Variants in ZHX2 observed in about 807,000 individuals in gnomAD.
ZHX2 encodes zinc fingers and homeoboxes protein 2.
ZHX2 carries 6 observed loss-of-function variants against 21.9 expected under a neutral mutation model. That is an observed-to-expected ratio of 0.27 (90% CI 0.15 to 0.54). The LOEUF (loss-of-function observed/expected upper bound fraction) is 0.54, where lower values mean the gene tolerates loss of function less well. ZHX2 is among the 20% of genes least tolerant of loss of function. The pLI is 0.95. For missense variants in ZHX2, 908 were observed against 1,090.7 expected (o/e 0.83, Z 2.36); for synonymous variants, 434 against 437.1 (o/e 0.99, Z 0.09).
At chr8:122,869,794 C>T (rs1341956797) in intron 2 of ZHX2, among the ~76,000 whole-genome samples, 1 of 152,216 alleles carries the variant, frequency 6.6e-6, no homozygotes, top group Non-Finnish European at 1.5e-5. Context: ...TTCTGTGATT[C>T]TGGATGAGTT....
At chr8:122,950,988 C>T (rs1406577389) in intron 2 of ZHX2, among the ~76,000 whole-genome samples, 1 of 152,138 alleles carries the variant, frequency 6.6e-6, no homozygotes, top group Non-Finnish European at 1.5e-5. Flanking sequence ...CTGCGACTCC[C>T]TCTCACCGCT....
At chr8:122,785,031 G>C (rs572417708) in intron 1 of ZHX2, among the ~76,000 whole-genome samples, 1 of 152,330 alleles carries the variant, frequency 6.6e-6, no homozygotes, top group African/African-American at 2.4e-5. Flanking sequence ...AGCCGACTGC[G>C]GGGAAGCACT....
chr8:122,943,064 C>T (rs1812885385), intron 2 of ZHX2, among the ~76,000 whole-genome samples: 1 of 152,058 alleles, frequency 6.6e-6, no homozygotes, highest in African/African-American at 2.4e-5. Flanking sequence ...GAGTTCGAGA[C>T]CAGCCTGGCC....
intron 2 of ZHX2, among the ~76,000 whole-genome samples, chr8:122,949,772 G>C (rs1164127371): frequency 6.6e-6 from 1 of 152,184 alleles, no homozygotes; most frequent in Non-Finnish European, 1.5e-5. Context: ...TCAGGAGGCT[G>C]AGGCAGGAGG....
At chr8:122,812,149 G>A (rs1025191835) in intron 1 of ZHX2, 8 of 152,270 alleles carry the variant, frequency 5.3e-5, no homozygotes, top group African/African-American at 7.2e-5. Context: ...TCCAGGCAGA[G>A]CGACAGCTGG....
chr8:122,939,708 T>G (rs954616734), intron 2 of ZHX2, among the ~76,000 whole-genome samples: 1 of 152,150 alleles, frequency 6.6e-6, no homozygotes, highest in Admixed American at 6.5e-5. Flanking sequence ...GAAATTCATA[T>G]TGGAACAGTT....
At chr8:122,798,642 G>C (rs976085472) in intron 1 of ZHX2, among the ~76,000 whole-genome samples, 1 of 152,026 alleles carries the variant, frequency 6.6e-6, no homozygotes, top group Non-Finnish European at 1.5e-5. Flanking sequence ...AATTAGCTGG[G>C]CGTGGTAGTA....
chr8:122,857,317 G>T (rs1270898040), intron 1 of ZHX2, among the ~76,000 whole-genome samples: 1 of 149,982 alleles, frequency 6.7e-6, no homozygotes, highest in Non-Finnish European at 1.5e-5. Context: ...ACATCAGTGA[G>T]CAAAATAGAT....
intron 2 of ZHX2, among the ~76,000 whole-genome samples, chr8:122,865,636 G>A (rs370118195): frequency 6.6e-6 from 1 of 152,194 alleles, no homozygotes; most frequent in South Asian, 2.1e-4. Context: ...CACTAGCTGT[G>A]GGGCCTCAAG....
At chr8:122,972,128 A>C (rs182092206) in intron 3 of ZHX2, among the ~76,000 whole-genome samples, 1 of 152,090 alleles carries the variant, frequency 6.6e-6, no homozygotes, top group African/African-American at 2.4e-5. Flanking sequence ...CCCTCTATGC[A>C]CATCTGTCTC....
At chr8:122,894,956 A>G (rs1299452766) in intron 2 of ZHX2, among the ~76,000 whole-genome samples, 1 of 152,144 alleles carries the variant, frequency 6.6e-6, no homozygotes, top group Non-Finnish European at 1.5e-5. Flanking sequence ...GAAATGTTTG[A>G]ATCACAGTAC....
At chr8:122,817,882 C>G (rs937707321) in intron 1 of ZHX2, among the ~76,000 whole-genome samples, 1 of 152,230 alleles carries the variant, frequency 6.6e-6, no homozygotes, top group Non-Finnish European at 1.5e-5. Context: ...CCCCACTCCT[C>G]TAGGATCAGG....
intron 2 of ZHX2, among the ~76,000 whole-genome samples, chr8:122,913,218 T>C (rs1370201943): frequency 1.3e-5 from 2 of 152,274 alleles, no homozygotes; most frequent in Non-Finnish European, 1.5e-5. Flanking sequence ...TCATTCTTTT[T>C]TGATGCCAAA....
chr8:122,931,196 TTG>T (rs1820983087), intron 2 of ZHX2, among the ~76,000 whole-genome samples: 1 of 152,196 alleles, frequency 6.6e-6, no homozygotes. Flanking sequence ...AGCTGTTTTG[TTG>T]TGTTAGGACA....
chr8:122,934,385 C>T (rs1338181116), intron 2 of ZHX2, among the ~76,000 whole-genome samples: 3 of 152,238 alleles, frequency 2.0e-5, no homozygotes, highest in Non-Finnish European at 1.5e-5. Flanking sequence ...AGACACTTCA[C>T]TCACCTGCCC....
intron 2 of ZHX2, among the ~76,000 whole-genome samples, chr8:122,872,992 C>G (rs1276785406): frequency 6.6e-6 from 1 of 152,216 alleles, no homozygotes; most frequent in Non-Finnish European, 1.5e-5. Flanking sequence ...ACTCAGGTCA[C>G]CTGTCTATCC....
At chr8:122,835,926 C>T (rs915869763) in intron 1 of ZHX2, among the ~76,000 whole-genome samples, 1 of 152,128 alleles carries the variant, frequency 6.6e-6, no homozygotes, top group South Asian at 2.1e-4. Flanking sequence ...GAAAAAGACA[C>T]AGCACTTAGG....
At chr8:122,792,732 T>C (rs1024569088) in intron 1 of ZHX2, among the ~76,000 whole-genome samples, 3 of 152,104 alleles carry the variant, frequency 2.0e-5, no homozygotes, top group African/African-American at 7.2e-5. Flanking sequence ...CACACACACA[T>C]GCCTGGTCAT....
chr8:122,867,573 T>C (rs1055702046), intron 2 of ZHX2, among the ~76,000 whole-genome samples: 1 of 152,236 alleles, frequency 6.6e-6, no homozygotes, highest in Admixed American at 6.5e-5. Context: ...GAATTTGAAT[T>C]AGAGAAACTT....
Sources: gnomAD v4.1 joint callset for allele counts (sites outside exome capture counted in the v4.1 genomes callset) on GRCh38, gnomAD v4.1.1 for gene constraint, MANE v1.5 for transcripts, NCBI Gene and HGNC (gene_info 2026-07-23, HGNC 2026-07-21) for gene names.